Variants in PUDP observed in about 807,000 individuals in gnomAD.
PUDP encodes the protein pseudouridine-5'-phosphatase.
A neutral mutation model predicts 9.4 loss-of-function variants in PUDP; 8 were observed. That is an observed-to-expected ratio of 0.85 (90% confidence interval 0.50 to 1.53). The LOEUF is 1.53. Ranked by LOEUF, PUDP falls within the 40% of genes most tolerant of loss-of-function variation. The pLI is 0.00. For missense variants in PUDP, 188 were observed against 189.7 expected, an observed-to-expected ratio of 0.99 and a Z score of 0.05; for synonymous variants, 99 against 80.7, an observed-to-expected ratio of 1.23 and a Z score of -1.22.
At chrX:6,888,105 T>A (rs1055800443) in intron 3 of PUDP, among the ~76,000 whole-genome samples, 3 of 111,252 alleles carry the variant, frequency 2.7e-5, no homozygotes, top group Non-Finnish European at 5.7e-5. Context: ...TATTAATAAT[T>A]GTTACTTGAC....
intron 1 of PUDP, among the ~76,000 whole-genome samples, chrX:7,128,327 C>T (rs192575106): frequency 9.1e-4 from 102 of 112,047 alleles, no homozygotes; most frequent in African/African-American, 3.2e-3. Flanking sequence ...CAGATGTGTG[C>T]CACCACGCCC....
intron 1 of PUDP, among the ~76,000 whole-genome samples, chrX:6,998,419 C>A (rs1197098426): frequency 9.0e-6 from 1 of 111,132 alleles, no homozygotes; most frequent in Non-Finnish European, 1.9e-5. Flanking sequence ...TTCAAATATA[C>A]CAGCTACACA....
At chrX:6,902,496 G>A (rs761962012) in intron 3 of PUDP, among the ~76,000 whole-genome samples, 44 of 112,359 alleles carry the variant, frequency 3.9e-4, no homozygotes, top group Non-Finnish European at 6.8e-4. Context: ...AGCATGTTCG[G>A]TATAAAGAAA....
At position 7,148,068 on chromosome X, in the gene PUDP, C is replaced by T. The variant is rs768531435; in HGVS notation, c.46G>A (p.Asp16Asn). ...QPVTHLIFDMDGLLLDTERLY... is the reference protein window; with the variant it reads ...QPVTHLIFDMNGLLLDTERLY... The stretch of plus-strand genomic sequence containing the variant: ...CACTACCCACCCAGAAGAAGTCCGT[C>T]CATGTCAAAGATGAGGTGGGTGACG... Residue 16 changes from aspartate (D) to asparagine (N), a missense_variant, in exon 1 of 4, where the codon GAC becomes AAC. Transcript: ENST00000381077. 1 of 1,140,334 alleles carries T rather than the reference C, an allele frequency of 8.8e-7. No individual in the cohort carries two copies. Among genetic ancestry groups the T allele is most frequent in the South Asian group, 2.0e-5 (1 of 50,661 alleles). 94.0% of individuals were successfully genotyped at this position (1,140,334 alleles called of 1,213,427 possible).
chrX:6,769,760 G>C (rs746881000), intron 3 of PUDP, among the ~76,000 whole-genome samples: 1 of 112,336 alleles, frequency 8.9e-6, no homozygotes, highest in South Asian at 3.7e-4. Context: ...CATCAAGTCT[G>C]TTGGACTGGA....
chrX:6,712,401 C>T (rs912025917), intron 1 of PUDP, among the ~76,000 whole-genome samples: 70 of 112,076 alleles, frequency 6.2e-4, no homozygotes, highest in African/African-American at 2.1e-3. Flanking sequence ...CTGCCCGCCT[C>T]AGTCTCCCAA....
At chrX:7,036,739 G>A (rs1035186048) in intron 1 of PUDP, among the ~76,000 whole-genome samples, 6 of 110,917 alleles carry the variant, frequency 5.4e-5, no homozygotes, top group African/African-American at 2.0e-4. Context: ...TGCCTATTCC[G>A]TTTTTATTCT....
intron 1 of PUDP, among the ~76,000 whole-genome samples, chrX:7,121,976 A>G (rs1349375453): frequency 8.9e-6 from 1 of 111,897 alleles, no homozygotes; most frequent in African/African-American, 3.3e-5. Context: ...GCTTGAGACC[A>G]AGAGTTCGAG....
intron 3 of PUDP, among the ~76,000 whole-genome samples, chrX:6,803,475 T>A (rs1925999044): frequency 1.8e-5 from 2 of 112,151 alleles, no homozygotes; most frequent in Non-Finnish European, 3.8e-5. Context: ...GTGTCACCCC[T>A]CCAACCCCAT....
At chrX:6,835,030 G>A (rs781345247) in intron 3 of PUDP, among the ~76,000 whole-genome samples, 22 of 111,252 alleles carry the variant, frequency 2.0e-4, no homozygotes, top group Admixed American at 1.6e-3. Context: ...ATGTAATACC[G>A]TGAGCCCTTA....
intron 3 of PUDP, among the ~76,000 whole-genome samples, chrX:6,876,637 TTATG>T (rs1569115264): frequency 1.5e-5 from 1 of 64,537 alleles, no homozygotes; most frequent in African/African-American, 5.8e-5. Context: ...ACCTAAAATG[TTATG>T]TGTGTGTGTG....
At chrX:7,110,024 T>C (rs1219885135) in intron 1 of PUDP, among the ~76,000 whole-genome samples, 6 of 112,142 alleles carry the variant, frequency 5.4e-5, no homozygotes, top group Admixed American at 1.9e-4. Context: ...GCAGCTTCTG[T>C]AGTAGCTGCA....
Position 7,077,316 on chromosome X carries a change from C to G in PUDP, c.414G>C (p.Val138=). The G allele has an allele frequency of 8.3e-7, 1 of 1,210,794 alleles. No homozygotes were observed. The highest frequency in any genetic ancestry group is 1.1e-6 in the Non-Finnish European group (1 of 895,065). The stretch of plus-strand genomic sequence containing the variant: ...GCTGCACTTCGGGGTCATCTCCCAG[C>G]ACAATGTGGGAAAACAAGCTGAAGA... The part of the protein sequence containing the change: ...KEFFSLFSHI[V]LGDDPEVQHG... The change falls in exon 3 of 4, where the codon GTG becomes GTC. Residue 138 remains valine (V), a synonymous_variant. Coordinates refer to ENST00000381077, the MANE Select transcript of PUDP (RefSeq NM_012080.5).
intron 3 of PUDP, among the ~76,000 whole-genome samples, chrX:6,815,981 A>G (rs1926225015): frequency 9.4e-6 from 1 of 106,683 alleles, no homozygotes; most frequent in African/African-American, 3.4e-5. Context: ...TAGTATATAC[A>G]TTATACATGT....
chrX:7,148,031 G>A (rs12839420), intron 1 of PUDP, 22 bp downstream of exon 1: 1 of 1,123,581 alleles, frequency 8.9e-7, no homozygotes, highest in Middle Eastern at 2.4e-4. Flanking sequence ...CTTACTGGAG[G>A]CGGCGGCTGC....
intron 3 of PUDP, among the ~76,000 whole-genome samples, chrX:6,771,129 C>T (rs934515016): frequency 3.6e-5 from 4 of 111,690 alleles, no homozygotes; most frequent in East Asian, 2.8e-4. Flanking sequence ...CTCTCTGACA[C>T]ACATACCAGG....
At chrX:6,882,250 C>T (rs983037281) in intron 3 of PUDP, among the ~76,000 whole-genome samples, 5 of 107,458 alleles carry the variant, frequency 4.7e-5, no homozygotes, top group African/African-American at 1.0e-4. Context: ...AATATTAGGT[C>T]GGTGCTAAAG....
intron 1 of PUDP, among the ~76,000 whole-genome samples, chrX:6,715,857 T>C (rs1484843213): frequency 1.8e-5 from 2 of 111,409 alleles, no homozygotes; most frequent in South Asian, 3.8e-4. Context: ...CTATCTTGCA[T>C]GGCTAATAGC....
intron 3 of PUDP, among the ~76,000 whole-genome samples, chrX:6,834,906 T>TA (rs929032585): frequency 9.0e-6 from 1 of 110,542 alleles, no homozygotes; most frequent in African/African-American, 3.3e-5. Flanking sequence ...CACCTCCAAT[T>TA]AGGCCCCACC....
Sources: allele counts gnomAD v4.1 joint callset (sites outside exome capture counted in the v4.1 genomes callset), GRCh38; gene constraint gnomAD v4.1.1; transcripts MANE v1.5; gene names NCBI Gene and HGNC (gene_info 2026-07-23, HGNC 2026-07-21).